SV2B: variants seen among roughly 807,000 people sequenced by gnomAD.
SV2B encodes solute carrier family 22 member B2.
In SV2B, 41 loss-of-function variants were observed where a neutral mutation model predicts 73.9. The ratio of observed to expected loss-of-function variants is 0.56; its 90% CI spans 0.43 to 0.72. The LOEUF (loss-of-function observed/expected upper bound fraction) is 0.72, where lower values mean the gene tolerates loss of function less well. Ranked by LOEUF, SV2B falls within the 30% of genes least tolerant of loss-of-function variation. SV2B has a pLI of 0.00. For missense variants in SV2B, 764 were observed against 857.8 expected (o/e 0.89, Z 1.37); for synonymous variants, 314 against 314.2 (o/e 1.00, Z 0.01).
In SV2B at chr15:91,283,880, T is replaced by C; in HGVS notation, c.1508-141T>C. On this transcript the variant is annotated intron_variant, in intron 10 of 12. Coordinates refer to ENST00000394232, the MANE Select transcript of SV2B (RefSeq NM_001323032.3). The surrounding 1 kb of genome is among the most constrained non-coding windows in gnomAD (Gnocchi z 4.3). ...ATACCTTGATGACATGGCCACATATTACCTTGACTTTGAGGCTGTCTGACT... is the reference window on the plus strand; with the variant it reads ...ATACCTTGATGACATGGCCACATATCACCTTGACTTTGAGGCTGTCTGACT... 1 of 824,844 alleles carries C rather than the reference T, an allele frequency of 1.2e-6. No homozygotes were observed. The highest frequency in any genetic ancestry group is 2.0e-6 in the Non-Finnish European group (1 of 502,348). The allele number at this position is 824,844 out of a possible 1,614,324, so 51.1% of individuals were successfully genotyped here. A position where few individuals can be genotyped will look rare whatever the true frequency, so the allele number is the denominator to read the frequency against.
chr15:91,238,899 C>T (rs1008346055), intron 2 of SV2B, among the ~76,000 whole-genome samples: 1 of 152,080 alleles, frequency 6.6e-6, no homozygotes, highest in African/African-American at 2.4e-5. Flanking sequence ...AGAGAACACT[C>T]GGGTCCTCGG....
chr15:91,155,144 A>G (rs771365769), intron 1 of SV2B, among the ~76,000 whole-genome samples: 28 of 152,196 alleles, frequency 1.8e-4, no homozygotes, highest in Non-Finnish European at 3.7e-4. Flanking sequence ...ACCTTTCACT[A>G]TCCAAGAGAA....
Position 91,136,085 on chromosome 15 carries a change from A to C in SV2B, c.-392+35722A>C, listed in dbSNP as rs2141170513. Among the ~76,000 whole-genome samples, 1 of 152,336 alleles carries C rather than the reference A, an allele frequency of 6.6e-6. No homozygotes were observed. Among genetic ancestry groups the C allele is most frequent in the South Asian group, 2.1e-4 (1 of 4,826 alleles). On this transcript the variant is annotated intron_variant, in intron 1 of 12. Coordinates refer to ENST00000394232, the MANE Select transcript of SV2B (RefSeq NM_001323032.3). This position sits in a 1 kb window ranked among gnomAD's most constrained non-coding sequence, Gnocchi z 5.6. ...AGATATGAAGATAATATAAACCATA[A>C]CATTCTGAAAACTTTGTGTACTTTA...
rs1035317416 is a variant in SV2B at position 91,140,410 on chromosome 15, G to C, written c.-392+40047G>C. 6.6e-6 allele frequency among the ~76,000 whole-genome samples: 1 copy of C among 152,092 alleles called. No homozygotes were observed. Among genetic ancestry groups the C allele is most frequent in the African/African-American group, 2.4e-5 (1 of 41,390 alleles). On this transcript the variant is annotated intron_variant, in intron 1 of 12. Coordinates refer to ENST00000394232, the MANE Select transcript of SV2B (RefSeq NM_001323032.3). This position sits in a 1 kb window ranked among gnomAD's most constrained non-coding sequence, Gnocchi z 4.4. ...CAAAAGTCTAGTGCTTCTCCCAGAG[G>C]AGGAGAACAAAAATATCACCTTCTC... is the stretch of plus-strand genomic sequence containing the variant.
intron 1 of SV2B, among the ~76,000 whole-genome samples, chr15:91,208,272 A>C (rs542748437): frequency 6.6e-6 from 1 of 152,288 alleles, no homozygotes; most frequent in African/African-American, 2.4e-5. Context: ...TGGTGTGTCT[A>C]TACCTCTATT....
intron 2 of SV2B, among the ~76,000 whole-genome samples, chr15:91,238,892 G>T (rs142680829): frequency 6.6e-6 from 1 of 152,294 alleles, no homozygotes; most frequent in African/African-American, 2.4e-5. Context: ...GTCAGACAGA[G>T]AACACTCGGG....
intron 1 of SV2B, among the ~76,000 whole-genome samples, chr15:91,212,406 C>A (rs112352950): frequency 0.014 from 2,135 of 152,278 alleles, 18 homozygotes; most frequent in Middle Eastern, 0.044. Context: ...TGCTGCCTTC[C>A]CACTAAAGTC....
chr15:91,142,593 A>T (rs973794400), intron 1 of SV2B, among the ~76,000 whole-genome samples: 1 of 152,228 alleles, frequency 6.6e-6, no homozygotes, highest in Admixed American at 6.5e-5. Context: ...CAGAAGGGGA[A>T]GGAAGGGAAC....
Position 91,137,673 on chromosome 15 carries a change from CATAT to C in SV2B, c.-392+37318_-392+37321del, listed in dbSNP as rs929111214. ...ATATATTTCATATATACATATATTT[CATAT>C]ATATATACACACACACACACATTTG... On this transcript the variant is annotated intron_variant, in intron 1 of 12. Coordinates refer to ENST00000394232, the MANE Select transcript of SV2B (RefSeq NM_001323032.3). The surrounding 1 kb of genome is among the most constrained non-coding windows in gnomAD (Gnocchi z 4.9). 4.3e-5 allele frequency among the ~76,000 whole-genome samples: 6 copies of C among 138,468 alleles called. No homozygotes were observed. The highest frequency in any genetic ancestry group is 2.2e-4 in the Admixed American group (3 of 13,360). The allele number at this position is 138,468 out of a possible 152,430, so 90.8% of individuals were successfully genotyped here. A position where few individuals can be genotyped will look rare whatever the true frequency, so the allele number is the denominator to read the frequency against.
chr15:91,262,612 C>T (rs1216624380), intron 6 of SV2B, among the ~76,000 whole-genome samples: 3 of 152,166 alleles, frequency 2.0e-5, no homozygotes, highest in Non-Finnish European at 4.4e-5. Context: ...TTCCTCCTCC[C>T]ACCCTCCACC....
In SV2B at chr15:91,139,006, C is replaced by T. The variant is rs552776454; in HGVS notation, c.-392+38643C>T. Among the ~76,000 whole-genome samples, 8 of 152,236 alleles carry T rather than the reference C, an allele frequency of 5.3e-5. No individual in the cohort carries two copies. Among genetic ancestry groups the T allele is most frequent in the African/African-American group, 1.4e-4 (6 of 41,530 alleles). On this transcript the variant is annotated intron_variant, in intron 1 of 12. Transcript: ENST00000394232. The surrounding 1 kb of genome is among the most constrained non-coding windows in gnomAD (Gnocchi z 5.2). ...CAATTAAACCAGTGAAATTACGAGA[C>T]GATTAGGGAAATGTGAACACTGATT... is the stretch of plus-strand genomic sequence containing the variant.
rs977809771 is a variant in SV2B, at chr15:91,206,320, G to A, written c.-391-19553G>A. Reference sequence around the variant, plus strand: ...GCCTCCCAAAGTGCTGGGATTACAGGCGTGAGCCACCGTGCCCAGCCGATG... The same window carrying A: ...GCCTCCCAAAGTGCTGGGATTACAGACGTGAGCCACCGTGCCCAGCCGATG... On this transcript the variant is annotated intron_variant, in intron 1 of 12. Coordinates refer to ENST00000394232, the MANE Select transcript of SV2B (RefSeq NM_001323032.3). Among the ~76,000 whole-genome samples, 10 of 151,752 alleles carry A rather than the reference G, an allele frequency of 6.6e-5. No homozygotes were observed. The East Asian group carries it at 1.9e-3, about 30-fold the overall frequency.
At position 91,227,975 on chromosome 15, in the gene SV2B, A is replaced by T. The variant is rs963106038; in HGVS notation, c.451+1261A>T. On this transcript the variant is annotated intron_variant, in intron 2 of 12. Transcript: ENST00000394232. This position sits in a 1 kb window ranked among gnomAD's most constrained non-coding sequence, Gnocchi z 4.5. ...ACAATAGCAGCTTTGAACAACACGTAAACAAATGGGCTGTGTTCCAATTAG... is the reference window on the plus strand; with the variant it reads ...ACAATAGCAGCTTTGAACAACACGTTAACAAATGGGCTGTGTTCCAATTAG... Among the ~76,000 whole-genome samples the T allele has an allele frequency of 2.6e-5, 4 of 152,244 alleles. No individual in the cohort carries two copies. The highest frequency in any genetic ancestry group is 4.8e-5 in the African/African-American group (2 of 41,466).
At position 91,268,043 on chromosome 15, in the gene SV2B, T is replaced by C; in HGVS notation, c.1209-398T>C. Among the ~76,000 whole-genome samples, 1 of 152,220 alleles carries C rather than the reference T, an allele frequency of 6.6e-6. No homozygotes were observed. Among genetic ancestry groups the C allele is most frequent in the Non-Finnish European group, 1.5e-5 (1 of 68,042 alleles). On this transcript the variant is annotated intron_variant, in intron 8 of 12. Coordinates refer to ENST00000394232, the MANE Select transcript of SV2B (RefSeq NM_001323032.3). The surrounding 1 kb of genome is among the most constrained non-coding windows in gnomAD (Gnocchi z 4.4). ...GTCTTGAATTCCTGACCTCAAGTGATCTGCCTTCCTTGGCCTCCCAAAGTG... is the reference window on the plus strand; with the variant it reads ...GTCTTGAATTCCTGACCTCAAGTGACCTGCCTTCCTTGGCCTCCCAAAGTG...
At chr15:91,264,360 G>A (rs2141670442) in intron 6 of SV2B, among the ~76,000 whole-genome samples, 1 of 152,372 alleles carries the variant, frequency 6.6e-6, no homozygotes, top group South Asian at 2.1e-4. Flanking sequence ...CAGTCAGGTA[G>A]CTCACACTGG....
intron 1 of SV2B, among the ~76,000 whole-genome samples, chr15:91,149,319 A>G (rs1275343664): frequency 6.6e-6 from 1 of 152,214 alleles, no homozygotes; most frequent in Non-Finnish European, 1.5e-5. Flanking sequence ...CACTGATGGT[A>G]TCGGTGGCCC....
chr15:91,227,734 G>T lies in SV2B; in HGVS notation c.451+1020G>T, dbSNP rs2046430235. Among the ~76,000 whole-genome samples, 1 of 152,188 alleles carries T rather than the reference G, an allele frequency of 6.6e-6. No individual in the cohort carries two copies. Among genetic ancestry groups the T allele is most frequent in the Non-Finnish European group, 1.5e-5 (1 of 68,034 alleles). On this transcript the variant is annotated intron_variant, in intron 2 of 12. Transcript: ENST00000394232. The surrounding 1 kb of genome is among the most constrained non-coding windows in gnomAD (Gnocchi z 4.5). ...ATAGCTTTTGTCTCTCAAATAATTT[G>T]CATGTAGTTGAACAAACAGACATTA...
intron 1 of SV2B, among the ~76,000 whole-genome samples, chr15:91,144,688 C>A (rs2043095284): frequency 6.6e-6 from 1 of 152,204 alleles, no homozygotes; most frequent in African/African-American, 2.4e-5. Context: ...AGCGGGACAG[C>A]TCTCAGAAGA....
At chr15:91,203,066 T>C (rs946995483) in intron 1 of SV2B, among the ~76,000 whole-genome samples, 1 of 152,210 alleles carries the variant, frequency 6.6e-6, no homozygotes, top group African/African-American at 2.4e-5. Flanking sequence ...ATTACTGCAT[T>C]ATTTAATCCA....
Sources: gnomAD v4.1 joint callset for allele counts (sites outside exome capture counted in the v4.1 genomes callset) on GRCh38, gnomAD v4.1.1 for gene constraint, Gnocchi (gnomAD v3.1) non-coding constraint, MANE v1.5 for transcripts, NCBI Gene and HGNC (gene_info 2026-07-23, HGNC 2026-07-21) for gene names.